IGF1: variants seen among roughly 807,000 people sequenced by gnomAD.
IGF1 encodes insulin-like growth factor 1.
IGF1 carries 4 observed loss-of-function variants against 13.8 expected under a neutral mutation model. The observed-to-expected ratio is 0.29, with a 90% CI of 0.14 to 0.66. The LOEUF is 0.66. Ranked by LOEUF, IGF1 falls within the 30% of genes least tolerant of loss-of-function variation. IGF1 has a pLI of 0.78. For missense variants in IGF1, 124 were observed against 188.5 expected (o/e 0.66, Z 2.00); for synonymous variants, 76 against 72.6 (o/e 1.05, Z -0.23).
rs892431935 is a variant in IGF1 at position 102,420,193 on chromosome 12, T to G, written c.221-503A>C. Among the ~76,000 whole-genome samples, 4 of 152,172 alleles carry G rather than the reference T, an allele frequency of 2.6e-5. 1 individual carries two copies. Among genetic ancestry groups the G allele is most frequent in the Admixed American group, 2.0e-4 (3 of 15,286 alleles). ...GAAAGGGCTCCTCATTTTACTAATGTGAAAACTGAGACTCAGAGGTGGCAA... is the reference window on the plus strand; with the variant it reads ...GAAAGGGCTCCTCATTTTACTAATGGGAAAACTGAGACTCAGAGGTGGCAA... On this transcript the variant is annotated intron_variant, in intron 2 of 3. Coordinates refer to ENST00000337514, the MANE Select transcript of IGF1 (RefSeq NM_000618.5).
intron 3 of IGF1, among the ~76,000 whole-genome samples, chr12:102,411,244 C>T (rs558729642): frequency 6.6e-6 from 1 of 152,270 alleles, no homozygotes; most frequent in East Asian, 1.9e-4. Flanking sequence ...GTCAAGCATG[C>T]CACATACTTA....
At chr12:102,457,887 T>C (rs1015549544) in intron 2 of IGF1, among the ~76,000 whole-genome samples, 5 of 152,216 alleles carry the variant, frequency 3.3e-5, no homozygotes, top group Non-Finnish European at 7.3e-5. Context: ...TGGGTGTTCA[T>C]GAACGTTAGT....
intron 2 of IGF1, among the ~76,000 whole-genome samples, chr12:102,473,858 A>C (rs10745942): frequency 0.95 from 145,011 of 152,264 alleles, 69,107 homozygotes; most frequent in East Asian, 1. Context: ...TTTCCATTCT[A>C]ATTTTTCATC....
chr12:102,441,906 G>GCTGCTTCTTCTTCTTCTTCTTT, intron 2 of IGF1, among the ~76,000 whole-genome samples: 25 of 100,342 alleles, frequency 2.5e-4, no homozygotes, highest in Middle Eastern at 4.4e-3. Flanking sequence ...CTATTACACT[G>GCTGCTTCTTCTTCTTCTTCTTT]CTTCTTCTCC....
chr12:102,403,699 G>A (rs1017744881), intron 3 of IGF1, among the ~76,000 whole-genome samples: 8 of 139,792 alleles, frequency 5.7e-5, no homozygotes, highest in African/African-American at 1.9e-4. Context: ...TTCAACTAGT[G>A]GGCTCAGGTG....
At chr12:102,414,566 T>C (rs1373555821) in intron 3 of IGF1, among the ~76,000 whole-genome samples, 1 of 152,010 alleles carries the variant, frequency 6.6e-6, no homozygotes. Flanking sequence ...GGATTACAGG[T>C]GCGTGCCACC....
At chr12:102,444,589 A>G (rs1878152755) in intron 2 of IGF1, among the ~76,000 whole-genome samples, 2 of 152,120 alleles carry the variant, frequency 1.3e-5, no homozygotes, top group African/African-American at 4.8e-5. Context: ...TTAAGAAAAT[A>G]TTAAGGACAT....
chr12:102,415,356 A>G (rs974799642), intron 3 of IGF1, among the ~76,000 whole-genome samples: 11 of 151,868 alleles, frequency 7.2e-5, no homozygotes, highest in Non-Finnish European at 2.9e-5. Context: ...TACTGGAAAG[A>G]AGGAAATGGA....
intron 2 of IGF1, among the ~76,000 whole-genome samples, chr12:102,430,709 T>TCTC (rs1565977643): frequency 6.6e-6 from 1 of 152,226 alleles, no homozygotes; most frequent in African/African-American, 2.4e-5. Flanking sequence ...TTGTTCATCT[T>TCTC]CTCCTCTTCA....
At chr12:102,406,526 G>A (rs979039781) in intron 3 of IGF1, among the ~76,000 whole-genome samples, 66 of 152,260 alleles carry the variant, frequency 4.3e-4, no homozygotes, top group African/African-American at 1.3e-3. Context: ...TGACACCAAC[G>A]AAGGTAAGAC....
At chr12:102,445,336 A>C (rs10778175) in intron 2 of IGF1, among the ~76,000 whole-genome samples, 116,383 of 152,090 alleles carry the variant, frequency 0.77, 44,598 homozygotes, top group Admixed American at 0.83. Context: ...GCAGTATGGC[A>C]ATTTTCATGA....
At position 102,438,481 on chromosome 12, in the gene IGF1, G is replaced by A. The variant is rs567411400; in HGVS notation, c.221-18791C>T. Among the ~76,000 whole-genome samples the A allele has an allele frequency of 5.3e-5, 8 of 152,270 alleles. No individual in the cohort carries two copies. The South Asian group carries it at 8.3e-4, about 16-fold the overall frequency. On this transcript the variant is annotated intron_variant, in intron 2 of 3. Coordinates refer to ENST00000337514, the MANE Select transcript of IGF1 (RefSeq NM_000618.5). ...GTTCACCAGCCTATTCAAGATGGTC[G>A]AGGAACAGCCTATTCAAGTTCCACA...
At chr12:102,450,807 T>A (rs1878853982) in intron 2 of IGF1, among the ~76,000 whole-genome samples, 1 of 152,236 alleles carries the variant, frequency 6.6e-6, no homozygotes, top group Non-Finnish European at 1.5e-5. Flanking sequence ...ATTTCAATAA[T>A]ACTTTGGGCG....
chr12:102,446,718 C>T (rs575729058), intron 2 of IGF1, among the ~76,000 whole-genome samples: 1 of 152,244 alleles, frequency 6.6e-6, no homozygotes, highest in East Asian at 1.9e-4. Context: ...ATGTCTCTAT[C>T]TCTTTCAGTT....
chr12:102,415,957 G>A (rs184307824), intron 3 of IGF1, among the ~76,000 whole-genome samples: 2 of 152,296 alleles, frequency 1.3e-5, no homozygotes, highest in East Asian at 3.9e-4. Flanking sequence ...AACCACAGCA[G>A]CAGTGGCTTG....
intron 2 of IGF1, among the ~76,000 whole-genome samples, chr12:102,466,347 G>C (rs899085858): frequency 2.6e-5 from 4 of 152,062 alleles, no homozygotes; most frequent in Admixed American, 1.3e-4. Flanking sequence ...TAGGAATCTC[G>C]ACTCGGGGGT....
intron 3 of IGF1, among the ~76,000 whole-genome samples, chr12:102,411,054 C>T (rs553181673): frequency 2.0e-5 from 3 of 152,296 alleles, no homozygotes; most frequent in South Asian, 4.1e-4. Context: ...AGCACCTCTA[C>T]CTTCATCCTA....
intron 2 of IGF1, among the ~76,000 whole-genome samples, chr12:102,443,849 G>A (rs1878074634): frequency 6.6e-6 from 1 of 152,026 alleles, no homozygotes; most frequent in African/African-American, 2.4e-5. Context: ...TTTTGAGACA[G>A]CGTCTCACTC....
intron 3 of IGF1, among the ~76,000 whole-genome samples, chr12:102,405,823 C>A (rs1565960679): frequency 6.6e-6 from 1 of 152,210 alleles, no homozygotes; most frequent in Non-Finnish European, 1.5e-5. Flanking sequence ...CATTAAGATA[C>A]CATCTATGCT....
Sources: allele counts gnomAD v4.1 joint callset (sites outside exome capture counted in the v4.1 genomes callset), GRCh38; gene constraint gnomAD v4.1.1; transcripts MANE v1.5; gene names NCBI Gene and HGNC (gene_info 2026-07-23, HGNC 2026-07-21).